The following DMD variants were observed in gnomAD, a reference collection of about 807,000 sequenced individuals.
DMD encodes the protein mutant dystrophin.
Under a neutral mutation model 330.1 loss-of-function variants are expected in DMD, and 63 were observed. The ratio of observed to expected loss-of-function variants is 0.19; its 90% CI spans 0.16 to 0.24. The LOEUF is 0.24. Among genes scored for constraint, DMD ranks in the 10% least tolerant of loss-of-function variants. The pLI is 1.00. For missense variants in DMD, 3,344 were observed against 2,684.1 expected (o/e 1.25, Z -5.43); for synonymous variants, 1,223 against 959.8 (o/e 1.27, Z -5.07).
intron 7 of DMD, among the ~76,000 whole-genome samples, chrX:32,727,106 T>A (rs765412898): frequency 3.6e-5 from 4 of 111,253 alleles, no homozygotes; most frequent in Admixed American, 9.6e-5. Flanking sequence ...ATTTTAGGCA[T>A]GATATCATCT....
intron 13 of DMD, among the ~76,000 whole-genome samples, chrX:32,581,514 TA>T (rs2053652508): frequency 8.9e-6 from 1 of 111,987 alleles, no homozygotes; most frequent in African/African-American, 3.3e-5. Flanking sequence ...GAACTTTATC[TA>T]AATACATCTG....
intron 71 of DMD, among the ~76,000 whole-genome samples, chrX:31,173,814 A>G (rs1478059512): frequency 8.9e-6 from 1 of 112,056 alleles, no homozygotes; most frequent in African/African-American, 3.2e-5. Context: ...TGCTTTTATT[A>G]AAAGCCATGA....
chrX:32,892,452 G>A (rs757883974), intron 2 of DMD, among the ~76,000 whole-genome samples: 31 of 111,905 alleles, frequency 2.8e-4, no homozygotes, highest in African/African-American at 8.1e-4. Flanking sequence ...GGAGCGCAAC[G>A]GTGCGATCTC....
At chrX:31,774,781 T>A (rs776566693) in intron 50 of DMD, among the ~76,000 whole-genome samples, 7 of 111,831 alleles carry the variant, frequency 6.3e-5, no homozygotes, top group African/African-American at 9.7e-5. Flanking sequence ...AGATTGTTAG[T>A]AAACTGGCCA....
chrX:32,559,976 G>C (rs1229257576), intron 16 of DMD, among the ~76,000 whole-genome samples: 1 of 110,763 alleles, frequency 9.0e-6, no homozygotes, highest in Non-Finnish European at 1.9e-5. Context: ...ACAAGAAGAG[G>C]CAAATTCTGA....
At chrX:32,855,381 C>T (rs1382848977) in intron 2 of DMD, among the ~76,000 whole-genome samples, 1 of 111,720 alleles carries the variant, frequency 9.0e-6, no homozygotes, top group Admixed American at 9.5e-5. Context: ...TCCTTGTTTA[C>T]AAAACTAGGA....
At chrX:31,389,937 A>T (rs184689080) in intron 60 of DMD, among the ~76,000 whole-genome samples, 16 of 112,127 alleles carry the variant, frequency 1.4e-4, no homozygotes, top group African/African-American at 4.8e-4. Flanking sequence ...GTGCCATTCT[A>T]GAGCAAGCCC....
chrX:32,312,759 C>T (rs2097567504), intron 41 of DMD, among the ~76,000 whole-genome samples: 1 of 106,552 alleles, frequency 9.4e-6, no homozygotes, highest in African/African-American at 3.3e-5. Flanking sequence ...ACCGATCCCA[C>T]AGAAATACAA....
intron 59 of DMD, among the ~76,000 whole-genome samples, chrX:31,468,743 G>A (rs969117084): frequency 2.2e-4 from 25 of 111,199 alleles, no homozygotes; most frequent in South Asian, 1.1e-3. Flanking sequence ...TCGTTGATCC[G>A]TCTAATATTG....
intron 7 of DMD, among the ~76,000 whole-genome samples, chrX:32,757,609 C>A (rs5972663): frequency 0.13 from 14,367 of 110,133 alleles, 1,288 homozygotes; most frequent in African/African-American, 0.29. Flanking sequence ...TGGTTTTATA[C>A]AAGAAAGTTT....
chrX:31,756,746 T>G (rs1392348793), intron 51 of DMD, among the ~76,000 whole-genome samples: 1 of 112,742 alleles, frequency 8.9e-6, no homozygotes, highest in Non-Finnish European at 1.9e-5. Flanking sequence ...ATATATGACC[T>G]AACATTTTGG....
intron 44 of DMD, among the ~76,000 whole-genome samples, chrX:32,113,666 T>A (rs1478081774): frequency 9.0e-6 from 1 of 111,474 alleles, no homozygotes; most frequent in Non-Finnish European, 1.9e-5. Context: ...GAGCATTGGC[T>A]GTTCTTTATT....
chrX:32,059,551 C>T (rs191673046), intron 44 of DMD, among the ~76,000 whole-genome samples: 80 of 111,996 alleles, frequency 7.1e-4, no homozygotes, highest in African/African-American at 2.5e-3. Context: ...AGTGTGAGAT[C>T]ATTGTGAACT....
chrX:33,068,717 T>C (rs145781199), intron 1 of DMD, among the ~76,000 whole-genome samples: 377 of 112,428 alleles, frequency 3.4e-3, no homozygotes, highest in African/African-American at 0.011. Context: ...TGTCAACCTG[T>C]AGGTTAAAAA....
At chrX:31,627,437 CA>C (rs1160124982) in intron 55 of DMD, among the ~76,000 whole-genome samples, 2 of 112,233 alleles carry the variant, frequency 1.8e-5, no homozygotes, top group Admixed American at 1.9e-4. Context: ...GTTTTATATG[CA>C]AATGTTTTCC....
chrX:31,251,446 G>C (rs1379563856), intron 63 of DMD, among the ~76,000 whole-genome samples: 10 of 111,796 alleles, frequency 8.9e-5, no homozygotes, highest in Non-Finnish European at 1.9e-5. Context: ...ATTTATGAGG[G>C]GGTGTAATGA....
intron 30 of DMD, among the ~76,000 whole-genome samples, chrX:32,402,001 A>G (rs2098088606): frequency 1.8e-5 from 2 of 112,359 alleles, no homozygotes; most frequent in African/African-American, 6.5e-5. Context: ...TCACTTAATA[A>G]AGGGCTAATT....
At chrX:31,300,130 G>A (rs1368395097) in intron 62 of DMD, among the ~76,000 whole-genome samples, 4 of 111,790 alleles carry the variant, frequency 3.6e-5, no homozygotes, top group Admixed American at 1.9e-4. Context: ...AGACTGCGTC[G>A]GTTGATTTTA....
At chrX:32,281,293 A>C (rs13440585) in intron 43 of DMD, among the ~76,000 whole-genome samples, 1 of 112,124 alleles carries the variant, frequency 8.9e-6, no homozygotes, top group African/African-American at 3.3e-5. Context: ...TAAAATGTTC[A>C]GGGGTCCATG....
Sources: gnomAD v4.1 joint callset for allele counts (sites outside exome capture counted in the v4.1 genomes callset) on GRCh38, gnomAD v4.1.1 for gene constraint, MANE v1.5 for transcripts, NCBI Gene and HGNC (gene_info 2026-07-23, HGNC 2026-07-21) for gene names.